NMNAT2: variants seen among roughly 807,000 people sequenced by gnomAD.
NMNAT2 encodes nicotinamide nucleotide adenylyltransferase 2.
In NMNAT2, 11 loss-of-function variants were observed where a neutral mutation model predicts 41.6. The ratio of observed to expected loss-of-function variants is 0.26; its 90% CI spans 0.17 to 0.44. The LOEUF is 0.44. Ranked by LOEUF, NMNAT2 falls within the 20% of genes least tolerant of loss-of-function variation. The pLI is 1.00. For synonymous variants in NMNAT2, 148 were observed against 151.2 expected, an observed-to-expected ratio of 0.98 and a Z score of 0.16; for missense variants, 288 against 407.7, an observed-to-expected ratio of 0.71 and a Z score of 2.53.
chr1:183,251,668 A>G lies in NMNAT2; in HGVS notation c.*973T>C, dbSNP rs1236536074. On this transcript the variant is annotated 3_prime_UTR_variant, in exon 11 of 11. Transcript: ENST00000287713. ...ACTGTGCCATCAGCTACAGTCCACA[A>G]AGGTAAATGAACAGATGCCACCAGG... 6.5e-6 allele frequency: 1 copy of G among 152,894 alleles called. No individual in the cohort carries two copies. Among genetic ancestry groups the G allele is most frequent in the African/African-American group, 2.4e-5 (1 of 41,472 alleles). 9.5% of individuals were successfully genotyped at this position (152,894 alleles called of 1,614,324 possible).
chr1:183,300,361 C>G (rs189102992), intron 1 of NMNAT2, among the ~76,000 whole-genome samples: 1 of 151,442 alleles, frequency 6.6e-6, no homozygotes, highest in African/African-American at 2.4e-5. Flanking sequence ...GAGATTGCAC[C>G]ACTGTACTCC....
chr1:183,371,876 C>G (rs1409404693), intron 1 of NMNAT2, among the ~76,000 whole-genome samples: 1 of 152,240 alleles, frequency 6.6e-6, no homozygotes, highest in East Asian at 1.9e-4. Context: ...ATCCCCTGGG[C>G]TCAAGCAATC....
intron 1 of NMNAT2, among the ~76,000 whole-genome samples, chr1:183,408,233 T>G (rs1316042114): frequency 2.0e-5 from 3 of 152,142 alleles, no homozygotes; most frequent in African/African-American, 7.2e-5. Context: ...AGTAAATAAT[T>G]TTGGTTTTGC....
At chr1:183,317,808 G>A (rs887262475) in intron 1 of NMNAT2, among the ~76,000 whole-genome samples, 1 of 152,182 alleles carries the variant, frequency 6.6e-6, no homozygotes, top group South Asian at 2.1e-4. Context: ...CACTAGCAGA[G>A]GGAAAGGCTT....
At chr1:183,357,478 C>A (rs1415945611) in intron 1 of NMNAT2, among the ~76,000 whole-genome samples, 1 of 152,054 alleles carries the variant, frequency 6.6e-6, no homozygotes, top group Non-Finnish European at 1.5e-5. Flanking sequence ...ATCCACCCGC[C>A]TTGGCCTCCC....
chr1:183,344,912 C>G (rs1662893775), intron 1 of NMNAT2, among the ~76,000 whole-genome samples: 1 of 152,172 alleles, frequency 6.6e-6, no homozygotes, highest in African/African-American at 2.4e-5. Flanking sequence ...GGGCTTCCTC[C>G]CCATCCGGGG....
chr1:183,283,147 C>T (rs916832877), intron 7 of NMNAT2: 12 of 152,250 alleles, frequency 7.9e-5, no homozygotes, highest in African/African-American at 2.7e-4. Context: ...GGAGCCCTGA[C>T]TTCCAGTCCT....
intron 1 of NMNAT2, among the ~76,000 whole-genome samples, chr1:183,323,775 T>A (rs1662403824): frequency 6.6e-6 from 1 of 152,050 alleles, no homozygotes; most frequent in South Asian, 2.1e-4. Flanking sequence ...AGGGAACACA[T>A]CTGACAAAGG....
intron 1 of NMNAT2, among the ~76,000 whole-genome samples, chr1:183,374,360 C>T (rs978972403): frequency 1.6e-4 from 24 of 152,192 alleles, no homozygotes; most frequent in African/African-American, 2.4e-4. Context: ...CTCAAGAGGC[C>T]GCTGGCCTCA....
intron 1 of NMNAT2, among the ~76,000 whole-genome samples, chr1:183,413,464 CA>C (rs1649170616): frequency 6.6e-6 from 1 of 152,132 alleles, no homozygotes; most frequent in Non-Finnish European, 1.5e-5. Flanking sequence ...CCAGCCTAAG[CA>C]TGAGACTCTA....
intron 1 of NMNAT2, among the ~76,000 whole-genome samples, chr1:183,392,933 A>G (rs972996523): frequency 1.3e-5 from 2 of 152,098 alleles, no homozygotes. Flanking sequence ...AACATACTAC[A>G]TCATTTCCTT....
At chr1:183,400,576 A>T (rs895582193) in intron 1 of NMNAT2, among the ~76,000 whole-genome samples, 8 of 152,176 alleles carry the variant, frequency 5.3e-5, no homozygotes, top group African/African-American at 1.9e-4. Flanking sequence ...TAAAGCTCAT[A>T]TGGAAGCAAA....
At chr1:183,385,403 A>G (rs1018532617) in intron 1 of NMNAT2, among the ~76,000 whole-genome samples, 1 of 152,192 alleles carries the variant, frequency 6.6e-6, no homozygotes, top group African/African-American at 2.4e-5. Flanking sequence ...ATCTAAAAAT[A>G]CACCTATACA....
chr1:183,253,886 C>A (rs780011411), intron 10 of NMNAT2, among the ~76,000 whole-genome samples: 6 of 150,296 alleles, frequency 4.0e-5, no homozygotes, highest in African/African-American at 1.5e-4. Context: ...TTTTTTAAGT[C>A]GAATAATGTT....
chr1:183,295,119 T>G (rs1211405949), intron 1 of NMNAT2, among the ~76,000 whole-genome samples: 2 of 152,158 alleles, frequency 1.3e-5, no homozygotes, highest in Non-Finnish European at 2.9e-5. Flanking sequence ...TTCTCATGCC[T>G]CAGCCTCCCA....
chr1:183,378,829 G>C (rs1436004807), intron 1 of NMNAT2, among the ~76,000 whole-genome samples: 1 of 151,916 alleles, frequency 6.6e-6, no homozygotes, highest in Non-Finnish European at 1.5e-5. Flanking sequence ...GATTGCTTAA[G>C]GCCAGAAGTT....
chr1:183,332,692 T>C (rs1662609742), intron 1 of NMNAT2, among the ~76,000 whole-genome samples: 1 of 151,798 alleles, frequency 6.6e-6, no homozygotes, highest in Admixed American at 6.6e-5. Flanking sequence ...ACTGGCAACA[T>C]GCTAGCCAAG....
chr1:183,413,684 G>A (rs1571647366), intron 1 of NMNAT2, among the ~76,000 whole-genome samples: 1 of 134,296 alleles, frequency 7.4e-6, no homozygotes, highest in African/African-American at 2.9e-5. Context: ...TCGGCTCACT[G>A]CAAGCTCCGC....
intron 1 of NMNAT2, among the ~76,000 whole-genome samples, chr1:183,317,138 G>T (rs920210490): frequency 2.0e-5 from 3 of 152,226 alleles, no homozygotes; most frequent in Non-Finnish European, 2.9e-5. Context: ...AATGGGAACC[G>T]TCGGGTCATA....
Sources: allele counts gnomAD v4.1 joint callset (sites outside exome capture counted in the v4.1 genomes callset), GRCh38; gene constraint gnomAD v4.1.1; transcripts MANE v1.5; gene names NCBI Gene and HGNC (gene_info 2026-07-23, HGNC 2026-07-21).